Variants in PCMTD1 observed in about 807,000 individuals in gnomAD.
PCMTD1 encodes protein-L-isoaspartate O-methyltransferase domain-containing protein 1.
PCMTD1 carries 12 observed loss-of-function variants against 37.6 expected under a neutral mutation model. That is an observed-to-expected ratio of 0.32 (90% CI 0.20 to 0.52). The LOEUF is 0.52. PCMTD1 is among the 20% of genes least tolerant of loss of function. The pLI is 0.97. For missense variants in PCMTD1, 235 were observed against 421.3 expected (o/e 0.56, Z 3.87); for synonymous variants, 117 against 135.8 (o/e 0.86, Z 0.96).
chr8:51,832,370 G>A (rs1257243684), intron 4 of PCMTD1, among the ~76,000 whole-genome samples: 1 of 152,094 alleles, frequency 6.6e-6, no homozygotes, highest in African/African-American at 2.4e-5. Flanking sequence ...TATATACTCT[G>A]CCTTTTTAAT....
Position 51,862,126 on chromosome 8 carries a change from C to T in PCMTD1, c.-95-880G>A, listed in dbSNP as rs145766589. On this transcript the variant is annotated intron_variant, in intron 1 of 5. Transcript: ENST00000522514. ...AATTAGTTGATTTTAAATTTCTGAA[C>T]TTAAAAACCACAATTCAAAAATGCA... 8.8e-4 allele frequency among the ~76,000 whole-genome samples: 134 copies of T among 152,226 alleles called. 1 individual carries two copies. Among genetic ancestry groups the T allele is most frequent in the African/African-American group, 3.1e-3 (129 of 41,528 alleles).
chr8:51,865,430 A>G (rs1484493758), intron 1 of PCMTD1, among the ~76,000 whole-genome samples: 1 of 152,156 alleles, frequency 6.6e-6, no homozygotes, highest in East Asian at 1.9e-4. Flanking sequence ...ATCCTTAACA[A>G]AATACTAGCA....
chr8:51,837,159 A>T (rs1433987882), intron 3 of PCMTD1, among the ~76,000 whole-genome samples: 2 of 152,170 alleles, frequency 1.3e-5, no homozygotes, highest in Non-Finnish European at 2.9e-5. Flanking sequence ...AACAAGTATA[A>T]CTACTTCTAT....
chr8:51,860,861 C>T lies in PCMTD1; in HGVS notation c.291G>A (p.Met97Ile). The T allele has an allele frequency of 6.2e-7, 1 of 1,609,522 alleles. No individual in the cohort carries two copies. The highest frequency in any genetic ancestry group is 1.1e-5 in the South Asian group (1 of 90,644). The change falls in exon 2 of 6, where the codon ATG becomes ATA. Residue 97 changes from methionine to isoleucine, a missense_variant. Coordinates refer to ENST00000522514, the MANE Select transcript of PCMTD1 (RefSeq NM_052937.4). Reference sequence around the variant, plus strand: ...TAAAATTACCTAAAATTAAGCCCACCATTGTACTTAAATATCCGGTTCCAC... The same window carrying T: ...TAAAATTACCTAAAATTAAGCCCACTATTGTACTTAAATATCCGGTTCCAC... Reference protein sequence around the residue: ...LGSGTGYLSTMVGLILGPFGI... With the variant: ...LGSGTGYLSTIVGLILGPFGI...
chr8:51,897,265 T>C (rs1384425145), intron 1 of PCMTD1, among the ~76,000 whole-genome samples: 1 of 152,224 alleles, frequency 6.6e-6, no homozygotes, highest in East Asian at 1.9e-4. Flanking sequence ...CAGTATGCAA[T>C]GGGAATTTCC....
intron 1 of PCMTD1, among the ~76,000 whole-genome samples, chr8:51,897,067 T>C (rs2039013015): frequency 6.6e-6 from 1 of 152,210 alleles, no homozygotes; most frequent in African/African-American, 2.4e-5. Flanking sequence ...TTCCAAATCA[T>C]AAAATACTAC....
intron 3 of PCMTD1, chr8:51,844,977 T>G (rs1267058945): frequency 2.0e-5 from 3 of 152,238 alleles, no homozygotes; most frequent in African/African-American, 7.2e-5. Flanking sequence ...ATGAGAGATG[T>G]AAAAGCTCTC....
Position 51,888,866 on chromosome 8 carries a change from A to G in PCMTD1, c.-96+10064T>C, listed in dbSNP as rs142395442. On this transcript the variant is annotated intron_variant, in intron 1 of 5. Transcript: ENST00000522514. ...GTGGCTGAGGGTCATTATGAGGAAC[A>G]GTATGATAATGGTATGTCACGAGCA... Among the ~76,000 whole-genome samples the G allele has an allele frequency of 4.9e-3, 742 of 152,330 alleles. 6 individuals carry two copies. The highest frequency in any genetic ancestry group is 0.017 in the African/African-American group (711 of 41,572).
intron 3 of PCMTD1, 170 bp from the exon 4 acceptor site, chr8:51,833,859 T>C (rs183387514): frequency 2.1e-6 from 1 of 471,734 alleles, no homozygotes; most frequent in African/African-American, 2.0e-5. Context: ...ACTCATCAAA[T>C]GTATTGTTAT....
At chr8:51,872,523 A>G (rs573783886) in intron 1 of PCMTD1, among the ~76,000 whole-genome samples, 2 of 152,288 alleles carry the variant, frequency 1.3e-5, no homozygotes, top group East Asian at 1.9e-4. Context: ...AAAAGTCTAT[A>G]AACAAAAATA....
At chr8:51,870,617 C>T (rs1268819672) in intron 1 of PCMTD1, among the ~76,000 whole-genome samples, 4 of 152,144 alleles carry the variant, frequency 2.6e-5, no homozygotes, top group Non-Finnish European at 2.9e-5. Flanking sequence ...CTTTACCATA[C>T]TTCTATGAAG....
chr8:51,860,878 C>T lies in PCMTD1; in HGVS notation c.274G>A (p.Gly92Arg), dbSNP rs750606733. The stretch of plus-strand genomic sequence containing the variant: ...AAGCCCACCATTGTACTTAAATATC[C>T]GGTTCCACTTCCCAGGTTAAGAAAA... ...LSFLNLGSGTGYLSTMVGLIL... is the reference protein window; with the variant it reads ...LSFLNLGSGTRYLSTMVGLIL... Residue 92 changes from glycine to arginine, a missense_variant, in exon 2 of 6, where the codon GGA becomes AGA. Physicochemically the swap from Gly to Arg is moderately radical, Grantham distance 125 (BLOSUM62 -2). Transcript: ENST00000522514. The T allele has an allele frequency of 2.5e-6, 4 of 1,613,232 alleles. No homozygotes were observed. The highest frequency in any genetic ancestry group is 1.7e-6 in the Non-Finnish European group (2 of 1,179,476).
At chr8:51,845,512 A>G in intron 3 of PCMTD1, 149 bp downstream of exon 3, 1 of 544,566 alleles carries the variant, frequency 1.8e-6, no homozygotes, top group Non-Finnish European at 3.3e-6. Context: ...ATACCACAGA[A>G]TAATCTTAAC....
intron 1 of PCMTD1, among the ~76,000 whole-genome samples, chr8:51,868,042 AAT>A (rs2038584460): frequency 6.6e-6 from 1 of 152,124 alleles, no homozygotes; most frequent in South Asian, 2.1e-4. Flanking sequence ...GGCCTGATTT[AAT>A]CATTCCACAC....
At chr8:51,864,133 G>C (rs2038515952) in intron 1 of PCMTD1, among the ~76,000 whole-genome samples, 1 of 152,044 alleles carries the variant, frequency 6.6e-6, no homozygotes, top group Non-Finnish European at 1.5e-5. Context: ...AGACAAAATA[G>C]ACTTTAGGTC....
Position 51,894,115 on chromosome 8 carries a change from C to T in PCMTD1, c.-96+4815G>A, listed in dbSNP as rs555870562. Among the ~76,000 whole-genome samples the T allele has an allele frequency of 1.2e-4, 19 of 152,108 alleles. 1 individual carries two copies. In the South Asian group the frequency reaches 2.7e-3, roughly 22 times the overall value. On this transcript the variant is annotated intron_variant, in intron 1 of 5. Transcript: ENST00000522514. ...GGGAGGTGGGGGCTCTAGGGAAATA[C>T]GGTGTACGCTGTATAAACTAGACTT...
At position 51,826,092 on chromosome 8, in the gene PCMTD1, G is replaced by T. The variant is rs1447297807; in HGVS notation, c.706+5352C>A. On this transcript the variant is annotated intron_variant, in intron 5 of 5. Coordinates refer to ENST00000522514, the MANE Select transcript of PCMTD1 (RefSeq NM_052937.4). Reference sequence around the variant, plus strand: ...ATGTTTACTGCAGCACTATTCACAAGAGCAAAGACTTGGAACCAACCAAAA... The same window carrying T: ...ATGTTTACTGCAGCACTATTCACAATAGCAAAGACTTGGAACCAACCAAAA... 2.6e-5 allele frequency among the ~76,000 whole-genome samples: 4 copies of T among 152,148 alleles called. No individual in the cohort carries two copies. In the East Asian group the frequency reaches 7.7e-4, roughly 29 times the overall value.
At chr8:51,839,665 C>T in intron 3 of PCMTD1, 1 of 973,892 alleles carries the variant, frequency 1.0e-6, no homozygotes, top group Non-Finnish European at 1.2e-6. Flanking sequence ...CAACATTCCC[C>T]TTCAATACAC....
At chr8:51,840,536 T>C (rs909449790) in intron 3 of PCMTD1, among the ~76,000 whole-genome samples, 4 of 152,256 alleles carry the variant, frequency 2.6e-5, no homozygotes, top group Middle Eastern at 3.4e-3. Context: ...GTTCACATAT[T>C]TGAGAAATAT....
Sources: gnomAD v4.1 joint callset for allele counts (sites outside exome capture counted in the v4.1 genomes callset) on GRCh38, gnomAD v4.1.1 for gene constraint, MANE v1.5 for transcripts, NCBI Gene and HGNC (gene_info 2026-07-23, HGNC 2026-07-21) for gene names.